Variants in KAT6A observed in about 807,000 individuals in gnomAD.
KAT6A encodes the protein histone acetyltransferase KAT6A.
Under a neutral mutation model 198.4 loss-of-function variants are expected in KAT6A, and 9 were observed. That is an observed-to-expected ratio of 0.05 (90% confidence interval 0.03 to 0.08). The LOEUF (loss-of-function observed/expected upper bound fraction) is 0.08, where lower values mean the gene tolerates loss of function less well. Among genes scored for constraint, KAT6A ranks in the 10% least tolerant of loss-of-function variants. The probability of loss-of-function intolerance (pLI) is 1.00; values close to 1 mark genes in which losing one functional copy is unlikely to be tolerated. For missense variants in KAT6A, 2,077 were observed against 2,509.9 expected (o/e 0.83, Z 3.69); for synonymous variants, 890 against 883.0 (o/e 1.01, Z -0.14).
At chr8:41,941,538 A>G in intron 14 of KAT6A, 94 bp from the exon 15 acceptor site, 1 of 1,291,106 alleles carries the variant, frequency 7.7e-7, no homozygotes, top group Non-Finnish European at 1.0e-6. Flanking sequence ...AGAGAAGAAA[A>G]GGAAACTGAG....
chr8:41,946,850 T>A (rs147169882), intron 11 of KAT6A, among the ~76,000 whole-genome samples, 166 bp from the exon 12 acceptor site: 1 of 152,062 alleles, frequency 6.6e-6, no homozygotes, highest in Non-Finnish European at 1.5e-5. Flanking sequence ...TAGGATAATG[T>A]CAAGTCACTG....
chr8:41,937,105 T>C lies in KAT6A; in HGVS notation c.3352+151A>G, dbSNP rs569343422. ...CATTTAAAAATCAAGATGGATATAC[T>C]TGATACAACTTTTTAGAGATTGCCA... On this transcript the variant is annotated intron_variant, in intron 16 of 16. Coordinates refer to ENST00000265713, the MANE Select transcript of KAT6A (RefSeq NM_006766.5). 5 of 612,670 alleles carry C rather than the reference T, an allele frequency of 8.2e-6. No homozygotes were observed. The East Asian group carries it at 8.3e-5, about 10-fold the overall frequency. 38.0% of individuals were successfully genotyped at this position (612,670 alleles called of 1,614,324 possible).
chr8:41,946,501 C>T lies in KAT6A; in HGVS notation c.1996+90G>A, dbSNP rs1587726752. On this transcript the variant is annotated intron_variant, in intron 12 of 16. Transcript: ENST00000265713. ...CTTTAAATATATATATATACACACA[C>T]ACACACACACACACACACACACACA... 15 of 375,026 alleles carry T rather than the reference C, an allele frequency of 4.0e-5. No homozygotes were observed. The highest frequency in any genetic ancestry group is 6.0e-4 in the Middle Eastern group (1 of 1,654). 23.2% of individuals were successfully genotyped at this position (375,026 alleles called of 1,614,324 possible). A position where few individuals can be genotyped will look rare whatever the true frequency, so the allele number is the denominator to read the frequency against.
intron 2 of KAT6A, among the ~76,000 whole-genome samples, chr8:42,031,281 A>G (rs1827110397): frequency 6.6e-6 from 1 of 152,234 alleles, no homozygotes; most frequent in Non-Finnish European, 1.5e-5. Context: ...TAAAAATATT[A>G]TATGGGTAAT....
intron 2 of KAT6A, among the ~76,000 whole-genome samples, chr8:42,015,087 G>C (rs1025571648): frequency 6.6e-6 from 1 of 152,196 alleles, no homozygotes; most frequent in African/African-American, 2.4e-5. Flanking sequence ...GAAGAGAGGA[G>C]AACAATATAA....
chr8:42,006,421 G>A (rs986941813), intron 2 of KAT6A, among the ~76,000 whole-genome samples: 2 of 152,122 alleles, frequency 1.3e-5, no homozygotes, highest in Non-Finnish European at 2.9e-5. Context: ...CTTACGTTAC[G>A]TCACCTCAGG....
chr8:42,010,521 C>T (rs549824959), intron 2 of KAT6A, among the ~76,000 whole-genome samples: 1 of 152,188 alleles, frequency 6.6e-6, no homozygotes, highest in Non-Finnish European at 1.5e-5. Context: ...AAACCCAGAG[C>T]TCTGCCTGGC....
intron 5 of KAT6A, among the ~76,000 whole-genome samples, chr8:41,979,755 C>G (rs1297279930): frequency 2.0e-5 from 3 of 152,218 alleles, no homozygotes; most frequent in African/African-American, 7.2e-5. Flanking sequence ...AATCCCAGCA[C>G]TTTGGGAGGC....
chr8:41,990,346 G>A (rs1047608099), intron 2 of KAT6A, among the ~76,000 whole-genome samples: 1 of 152,216 alleles, frequency 6.6e-6, no homozygotes, highest in Non-Finnish European at 1.5e-5. Context: ...GTCAGGACTT[G>A]ATGGCTAATT....
intron 8 of KAT6A, chr8:41,957,261 A>C (rs772241109): frequency 3.5e-6 from 2 of 566,470 alleles, no homozygotes; most frequent in Admixed American, 1.9e-5. Flanking sequence ...GTTCCTGCAC[A>C]TGCGCTCATG....
At chr8:41,960,483 G>C (rs1823152318) in intron 8 of KAT6A, among the ~76,000 whole-genome samples, 1 of 146,390 alleles carries the variant, frequency 6.8e-6, no homozygotes, top group Non-Finnish European at 1.5e-5. Context: ...CTCCAGCCTG[G>C]GTGACAGAGT....
In KAT6A at chr8:41,998,617, G is replaced by A. The variant is rs74991137; in HGVS notation, c.601-11054C>T. Among the ~76,000 whole-genome samples the A allele has an allele frequency of 4.4e-3, 665 of 152,062 alleles. 6 individuals are homozygous for A. The highest frequency in any genetic ancestry group is 0.014 in the African/African-American group (596 of 41,500). On this transcript the variant is annotated intron_variant, in intron 2 of 16. Coordinates refer to ENST00000265713, the MANE Select transcript of KAT6A (RefSeq NM_006766.5). ...TGCACTTAGTATATACTAAGTAAGC[G>A]TTTGTTGAAATTAAAATGCAATGAA...
intron 2 of KAT6A, among the ~76,000 whole-genome samples, chr8:42,044,123 T>TG (rs1205803914): frequency 6.9e-6 from 1 of 145,974 alleles, no homozygotes; most frequent in African/African-American, 2.5e-5. Context: ...TTTTTTGAGA[T>TG]GGAGTCTTGC....
At position 41,937,482 on chromosome 8, in the gene KAT6A, A is replaced by T. The variant is rs1302804236; in HGVS notation, c.3126T>A (p.Thr1042=). 6.2e-7 allele frequency: 1 copy of T among 1,614,030 alleles called. No individual in the cohort carries two copies. Among genetic ancestry groups the T allele is most frequent in the African/African-American group, 1.3e-5 (1 of 74,940 alleles). The change falls in exon 16 of 17, where the codon ACT becomes ACA. Residue 1042 remains threonine (T), a synonymous_variant. Transcript: ENST00000265713. ...SVVTETISET[T]EVLDEPFEDS... is the part of the protein sequence containing the mutation. ...CTTCAAAAGGTTCATCTAACACTTC[A>T]GTGGTCTCAGAAATAGTTTCTGTGA...
At chr8:41,983,881 AAC>A (rs1469230088) in intron 3 of KAT6A, among the ~76,000 whole-genome samples, 11 of 152,228 alleles carry the variant, frequency 7.2e-5, no homozygotes, top group Non-Finnish European at 1.0e-4. Context: ...ACTTGAGTAA[AAC>A]ACTTTTCATA....
intron 2 of KAT6A, among the ~76,000 whole-genome samples, chr8:41,996,118 A>G (rs939068360): frequency 6.6e-6 from 1 of 152,248 alleles, no homozygotes; most frequent in Non-Finnish European, 1.5e-5. Context: ...AAGAACAGTC[A>G]AGAACCTGTT....
intron 15 of KAT6A, among the ~76,000 whole-genome samples, chr8:41,940,546 T>C (rs1195045707): frequency 1.3e-5 from 2 of 152,172 alleles, no homozygotes; most frequent in African/African-American, 2.4e-5. Context: ...AAGTCATGAT[T>C]TGAACATCAA....
intron 2 of KAT6A, among the ~76,000 whole-genome samples, chr8:41,996,394 T>C (rs756135552): frequency 6.6e-6 from 1 of 152,210 alleles, no homozygotes; most frequent in Non-Finnish European, 1.5e-5. Flanking sequence ...GAAGTACACA[T>C]ATAATTCATG....
At chr8:41,950,891 C>T (rs529098236) in intron 9 of KAT6A, among the ~76,000 whole-genome samples, 28 of 151,152 alleles carry the variant, frequency 1.9e-4, no homozygotes, top group Admixed American at 1.6e-3. Context: ...ATTAAAAAAT[C>T]GAAAATATTC....
Sources: gnomAD v4.1 joint callset for allele counts (sites outside exome capture counted in the v4.1 genomes callset) on GRCh38, gnomAD v4.1.1 for gene constraint, MANE v1.5 for transcripts, NCBI Gene and HGNC (gene_info 2026-07-23, HGNC 2026-07-21) for gene names.